The following CPA4 variants were observed in gnomAD, a reference collection of about 807,000 sequenced individuals.
CPA4 encodes the protein carboxypeptidase A4, also known as carboxypeptidase A3.
A neutral mutation model predicts 54.7 loss-of-function variants in CPA4; 49 were observed. The ratio of observed to expected loss-of-function variants is 0.90; its 90% CI spans 0.71 to 1.14. The LOEUF is 1.14. Ranked by LOEUF, CPA4 falls within the 50% of genes most tolerant of loss-of-function variation. The pLI, the probability that CPA4 is intolerant of heterozygous loss-of-function variation, is 0.00. For missense variants in CPA4, 487 were observed against 525.1 expected (o/e 0.93, Z 0.71); for synonymous variants, 215 against 206.8 (o/e 1.04, Z -0.34).
intron 8 of CPA4, among the ~76,000 whole-genome samples, chr7:130,308,723 A>ATTTTTTTGTTGTTTTT (rs199996063): frequency 6.9e-6 from 1 of 145,182 alleles, no homozygotes; most frequent in African/African-American, 2.7e-5. Context: ...ACGCCCGGCT[A>ATTTTTTTGTTGTTTTT]TTTTTTTTCA....
rs932431912 is a variant in CPA4, at chr7:130,321,959, C to T, written c.1079-530C>T. 2.0e-5 allele frequency among the ~76,000 whole-genome samples: 3 copies of T among 152,190 alleles called. No individual in the cohort carries two copies. In the East Asian group the frequency reaches 5.8e-4, roughly 29 times the overall value. On this transcript the variant is annotated intron_variant, in intron 10 of 10. Transcript: ENST00000222482. ...TATCATGAATCTCTGTAGAGGCCTG[C>T]TTGAATGTCCTTACACCATGACAGC...
At chr7:130,312,529 T>C (rs554048483) in intron 10 of CPA4, among the ~76,000 whole-genome samples, 5 of 152,272 alleles carry the variant, frequency 3.3e-5, no homozygotes, top group African/African-American at 9.6e-5. Flanking sequence ...GGGAGGGACC[T>C]GGTGGGAGGT....
chr7:130,299,147 C>T (rs1793700421), intron 2 of CPA4, 123 bp from the exon 3 acceptor site: 1 of 1,054,972 alleles, frequency 9.5e-7, no homozygotes, highest in East Asian at 2.4e-5. Context: ...CAAACTTTGC[C>T]CTTGGGCAGA....
intron 2 of CPA4, among the ~76,000 whole-genome samples, 191 bp from the exon 3 acceptor site, chr7:130,299,079 G>T (rs560373880): frequency 1.3e-5 from 2 of 152,150 alleles, no homozygotes; most frequent in Non-Finnish European, 2.9e-5. Context: ...TATGACTCTT[G>T]GTCTCTGCCA....
chr7:130,311,497 G>A (rs1793913070), intron 9 of CPA4, among the ~76,000 whole-genome samples: 2 of 152,252 alleles, frequency 1.3e-5, no homozygotes, highest in Admixed American at 6.5e-5. Flanking sequence ...CCAGGCTCAC[G>A]GCAAAGTGCG....
intron 10 of CPA4, among the ~76,000 whole-genome samples, chr7:130,320,576 G>A (rs1794076313): frequency 6.6e-6 from 1 of 152,096 alleles, no homozygotes; most frequent in African/African-American, 2.4e-5. Flanking sequence ...CAGCTCTCAG[G>A]AACCATGGAA....
intron 4 of CPA4, among the ~76,000 whole-genome samples, chr7:130,302,126 T>G (rs1210206472): frequency 6.6e-6 from 1 of 152,206 alleles, no homozygotes; most frequent in East Asian, 1.9e-4. Context: ...CACCCTCCAC[T>G]GTGGATTGGT....
intron 7 of CPA4, 47 bp downstream of exon 7, chr7:130,306,944 G>T (rs1321289795): frequency 1.0e-6 from 1 of 1,000,882 alleles, no homozygotes; most frequent in Non-Finnish European, 1.6e-6. Flanking sequence ...TGAATTCCTT[G>T]CTTTGCCACT....
chr7:130,305,086 A>C (rs1180301604), intron 5 of CPA4, among the ~76,000 whole-genome samples: 1 of 152,246 alleles, frequency 6.6e-6, no homozygotes, highest in Non-Finnish European at 1.5e-5. Flanking sequence ...TATGATAATG[A>C]CATAAATTAC....
At position 130,323,103 on chromosome 7, in the gene CPA4, G is replaced by A. The variant is rs1794145945; in HGVS notation, c.*427G>A. 6.3e-6 allele frequency: 1 copy of A among 158,656 alleles called. No individual in the cohort carries two copies. Among genetic ancestry groups the A allele is most frequent in the African/African-American group, 2.4e-5 (1 of 41,662 alleles). 9.8% of individuals were successfully genotyped at this position (158,656 alleles called of 1,614,324 possible). A position where few individuals can be genotyped will look rare whatever the true frequency, so the allele number is the denominator to read the frequency against. ...TGGGAGACACCACTTGTCTTTAGGT[G>A]GGTCTCAAAGATGATGTAGAATTTC... On this transcript the variant is annotated 3_prime_UTR_variant, in exon 11 of 11. Transcript: ENST00000222482.
intron 6 of CPA4, chr7:130,306,140 AG>A (rs1410818748): frequency 5.5e-5 from 32 of 577,816 alleles, no homozygotes; most frequent in African/African-American, 5.3e-4. Context: ...GCTGATATGC[AG>A]CAGAGGTGGG....
At chr7:130,306,931 T>G (rs746557329) in intron 7 of CPA4, 34 bp downstream of exon 7, 8 of 1,158,568 alleles carry the variant, frequency 6.9e-6, no homozygotes, top group Middle Eastern at 1.9e-4. Flanking sequence ...GCTTGCAGAC[T>G]GTTGAATTCC....
rs1794139694 is a variant in CPA4 at position 130,322,849 on chromosome 7, C to T, written c.*173C>T. 1 of 534,812 alleles carries T rather than the reference C, an allele frequency of 1.9e-6. No individual in the cohort carries two copies. The highest frequency in any genetic ancestry group is 3.5e-5 in the South Asian group (1 of 28,256). 33.1% of individuals were successfully genotyped at this position (534,812 alleles called of 1,614,324 possible). A position where few individuals can be genotyped will look rare whatever the true frequency, so the allele number is the denominator to read the frequency against. Reference sequence around the variant, plus strand: ...GGAGTCGTGTGTCCTGGCAGTGTCCCTGCAAGAACTGGTTCTGCCAGCCTG... The same window carrying T: ...GGAGTCGTGTGTCCTGGCAGTGTCCTTGCAAGAACTGGTTCTGCCAGCCTG... On this transcript the variant is annotated 3_prime_UTR_variant, in exon 11 of 11. Transcript: ENST00000222482.
chr7:130,317,093 A>G (rs1794000127), intron 10 of CPA4, among the ~76,000 whole-genome samples: 4 of 152,120 alleles, frequency 2.6e-5, no homozygotes, highest in Admixed American at 2.6e-4. Flanking sequence ...AGAAGAAAAT[A>G]CCTGAAGGGA....
chr7:130,315,177 G>C (rs1267213686), intron 10 of CPA4, among the ~76,000 whole-genome samples: 1 of 151,980 alleles, frequency 6.6e-6, no homozygotes, highest in Non-Finnish European at 1.5e-5. Context: ...GTCAGTTACG[G>C]GTTGTGGCAG....
chr7:130,311,877 GT>G (rs774405906), intron 9 of CPA4, among the ~76,000 whole-genome samples, 160 bp from the exon 10 acceptor site: 6 of 152,282 alleles, frequency 3.9e-5, no homozygotes, highest in East Asian at 1.9e-4. Flanking sequence ...ACCTCCCTCA[GT>G]TTACAGTTGG....
chr7:130,305,529 A>G (rs937118450), intron 5 of CPA4, among the ~76,000 whole-genome samples: 20 of 152,306 alleles, frequency 1.3e-4, no homozygotes, highest in African/African-American at 4.8e-4. Flanking sequence ...ACATAACATT[A>G]TCTCTAATGG....
intron 4 of CPA4, among the ~76,000 whole-genome samples, chr7:130,303,792 CTAT>C (rs201716891): frequency 8.5e-6 from 1 of 118,130 alleles, no homozygotes; most frequent in Non-Finnish European, 1.9e-5. Context: ...CCGCAGCTGC[CTAT>C]TTTTTTTTTT....
intron 10 of CPA4, 84 bp downstream of exon 10, chr7:130,312,206 GACTT>G (rs1275795328): frequency 1.2e-4 from 112 of 950,386 alleles, no homozygotes; most frequent in Non-Finnish European, 1.2e-4. Context: ...CTGTAAGTTA[GACTT>G]ACTTGTCATC....
Sources: gnomAD v4.1 joint callset for allele counts (sites outside exome capture counted in the v4.1 genomes callset) on GRCh38, gnomAD v4.1.1 for gene constraint, MANE v1.5 for transcripts, NCBI Gene and HGNC (gene_info 2026-07-23, HGNC 2026-07-21) for gene names.